Variants in CSMD1 observed in about 807,000 individuals in gnomAD.
CSMD1 encodes CUB and sushi domain-containing protein 1.
In CSMD1, 213 loss-of-function variants were observed where a neutral mutation model predicts 417.5. That is an observed-to-expected ratio of 0.51 (90% CI 0.46 to 0.57). The LOEUF is 0.57. Among genes scored for constraint, CSMD1 ranks in the 20% least tolerant of loss-of-function variants. The pLI is 0.00. For synonymous variants in CSMD1, 2,862 were observed against 1,736.8 expected (o/e 1.65, Z -16.11); for missense variants, 6,923 against 4,529.7 (o/e 1.53, Z -15.17).
At chr8:3,140,269 T>C (rs1023411923) in intron 41 of CSMD1, among the ~76,000 whole-genome samples, 9 of 152,126 alleles carry the variant, frequency 5.9e-5, no homozygotes, top group Non-Finnish European at 1.3e-4. Context: ...AGAGAATAGA[T>C]GCACAGGCAA....
At chr8:4,317,604 GGAGAGAGAGAGAAAGAGA>G (rs751180899) in intron 3 of CSMD1, among the ~76,000 whole-genome samples, 51 of 151,888 alleles carry the variant, frequency 3.4e-4, no homozygotes, top group Non-Finnish European at 6.8e-4. Context: ...AGGAGAGAGG[GGAGAGAGAGAGAAAGAGA>G]GAGAGAGAGA....
chr8:3,389,971 T>A (rs1811248365), intron 17 of CSMD1, among the ~76,000 whole-genome samples: 1 of 151,998 alleles, frequency 6.6e-6, no homozygotes, highest in African/African-American at 2.4e-5. Context: ...GACTGTTGAG[T>A]GGTAGAATTA....
At chr8:4,244,899 G>A (rs897951703) in intron 3 of CSMD1, among the ~76,000 whole-genome samples, 14 of 152,268 alleles carry the variant, frequency 9.2e-5, no homozygotes, top group Middle Eastern at 3.4e-3. Context: ...ATATAATGGA[G>A]ATAACAACAT....
intron 12 of CSMD1, among the ~76,000 whole-genome samples, chr8:3,422,606 T>C (rs977107862): frequency 6.6e-6 from 1 of 152,206 alleles, no homozygotes; most frequent in African/African-American, 2.4e-5. Flanking sequence ...GGCTAGACCA[T>C]GATCTGTCTT....
At chr8:2,952,120 T>C (rs1191282070) in intron 65 of CSMD1, among the ~76,000 whole-genome samples, 2 of 152,216 alleles carry the variant, frequency 1.3e-5, no homozygotes, top group Non-Finnish European at 2.9e-5. Context: ...TAAACGTGAA[T>C]TGTAGTGTAT....
intron 1 of CSMD1, among the ~76,000 whole-genome samples, chr8:4,802,352 CGTGTGTGT>C (rs34030430): frequency 3.7e-4 from 54 of 146,408 alleles, no homozygotes; most frequent in African/African-American, 1.3e-3. Flanking sequence ...TGTGTGCGCG[CGTGTGTGT>C]GTGTGTGTGT....
At chr8:3,224,432 G>C (rs547223286) in intron 27 of CSMD1, among the ~76,000 whole-genome samples, 2 of 152,152 alleles carry the variant, frequency 1.3e-5, no homozygotes, top group Admixed American at 6.5e-5. Flanking sequence ...AATGGTTATT[G>C]GGTACATGAA....
chr8:4,583,579 G>C lies in CSMD1; in HGVS notation c.302+53763C>G, dbSNP rs907593719. On this transcript the variant is annotated intron_variant, in intron 2 of 69. Coordinates refer to ENST00000635120, the MANE Select transcript of CSMD1 (RefSeq NM_033225.6). ...AATCAGCACCCTGTATTTACCTCAA[G>C]GTTTGTGAGTGCACCAATGGACACT... Among the ~76,000 whole-genome samples the C allele has an allele frequency of 1.4e-4, 22 of 151,906 alleles. No homozygotes were observed. In the South Asian group the frequency reaches 4.2e-3, roughly 29 times the overall value.
chr8:3,860,004 G>A (rs1234156069), intron 5 of CSMD1, among the ~76,000 whole-genome samples: 1 of 152,108 alleles, frequency 6.6e-6, no homozygotes, highest in Non-Finnish European at 1.5e-5. Context: ...ACCCAAACTT[G>A]GAGTTTGTTT....
Position 3,558,731 on chromosome 8 carries a change from G to A in CSMD1, c.1344+16214C>T, listed in dbSNP as rs144724274. On this transcript the variant is annotated intron_variant, in intron 10 of 69. Coordinates refer to ENST00000635120, the MANE Select transcript of CSMD1 (RefSeq NM_033225.6). The stretch of plus-strand genomic sequence containing the variant: ...ATGAATAGTGCTTCAGTAGTACCCC[G>A]TGTTCACTCCTCCAATGATGAATAG... Among the ~76,000 whole-genome samples the A allele has an allele frequency of 4.1e-4, 61 of 149,136 alleles. 1 individual carries two copies. In the East Asian group the frequency reaches 6.3e-3, roughly 15 times the overall value.
chr8:3,783,811 G>C (rs41460646), intron 5 of CSMD1, among the ~76,000 whole-genome samples: 49,537 of 152,086 alleles, frequency 0.33, 8,461 homozygotes, highest in Admixed American at 0.38. Flanking sequence ...CATATTGTAG[G>C]ACAGCATTTT....
intron 26 of CSMD1, among the ~76,000 whole-genome samples, chr8:3,256,388 G>A (rs1365842809): frequency 6.6e-6 from 1 of 152,000 alleles, no homozygotes; most frequent in Non-Finnish European, 1.5e-5. Flanking sequence ...ATGGCAGTAG[G>A]CAGACACTGT....
At chr8:3,659,330 A>T (rs1380164203) in intron 7 of CSMD1, among the ~76,000 whole-genome samples, 1 of 152,174 alleles carries the variant, frequency 6.6e-6, no homozygotes, top group Non-Finnish European at 1.5e-5. Context: ...CAAAGAAACA[A>T]ATTTTCATTT....
intron 1 of CSMD1, among the ~76,000 whole-genome samples, chr8:4,827,419 A>G (rs1172155556): frequency 6.6e-6 from 1 of 152,176 alleles, no homozygotes; most frequent in Non-Finnish European, 1.5e-5. Flanking sequence ...GATGAAGAGA[A>G]AAGCTCGACA....
At chr8:4,150,811 T>C (rs191707202) in intron 3 of CSMD1, among the ~76,000 whole-genome samples, 1 of 152,212 alleles carries the variant, frequency 6.6e-6, no homozygotes, top group African/African-American at 2.4e-5. Flanking sequence ...GCAGAGGTGT[T>C]GGGAGAAGAC....
chr8:3,291,862 C>A (rs761808067), intron 25 of CSMD1, among the ~76,000 whole-genome samples: 2 of 152,054 alleles, frequency 1.3e-5, no homozygotes, highest in African/African-American at 2.4e-5. Flanking sequence ...TTCTTGCCTT[C>A]TGCTAGCTTT....
At chr8:3,604,435 G>A (rs1487116921) in intron 8 of CSMD1, among the ~76,000 whole-genome samples, 1 of 152,140 alleles carries the variant, frequency 6.6e-6, no homozygotes, top group Non-Finnish European at 1.5e-5. Flanking sequence ...TAGCATTGCT[G>A]AGAGGACAGA....
At chr8:3,047,957 C>T (rs538833642) in intron 50 of CSMD1, among the ~76,000 whole-genome samples, 49 of 152,276 alleles carry the variant, frequency 3.2e-4, no homozygotes, top group Non-Finnish European at 5.6e-4. Flanking sequence ...CTCAACTTGA[C>T]GGTGATAGAC....
rs201579881 is a variant in CSMD1 at position 3,149,188 on chromosome 8, A to G, written c.6031+2209T>C. Among the ~76,000 whole-genome samples the G allele has an allele frequency of 3.9e-5, 6 of 152,212 alleles. No individual in the cohort carries two copies. In the East Asian group the frequency reaches 9.6e-4, roughly 24 times the overall value. On this transcript the variant is annotated intron_variant, in intron 40 of 69. Coordinates refer to ENST00000635120, the MANE Select transcript of CSMD1 (RefSeq NM_033225.6). Reference sequence around the variant, plus strand: ...TTTTCCCAAATTATTCTCTCGCACAATAGTTTATAAATAAAAAATAAATAC... The same window carrying G: ...TTTTCCCAAATTATTCTCTCGCACAGTAGTTTATAAATAAAAAATAAATAC...
Sources: gnomAD v4.1 joint callset for allele counts (sites outside exome capture counted in the v4.1 genomes callset) on GRCh38, gnomAD v4.1.1 for gene constraint, MANE v1.5 for transcripts, NCBI Gene and HGNC (gene_info 2026-07-23, HGNC 2026-07-21) for gene names.